Variants in ASAP1 observed in about 807,000 individuals in gnomAD.
ASAP1 encodes arf-GAP with SH3 domain, ANK repeat and PH domain-containing protein 1.
Under a neutral mutation model 145.2 loss-of-function variants are expected in ASAP1, and 43 were observed. The ratio of observed to expected loss-of-function variants is 0.30; its 90% confidence interval spans 0.23 to 0.38. ASAP1 has a LOEUF of 0.38. ASAP1 is among the 10% of genes least tolerant of loss of function. The probability of loss-of-function intolerance (pLI) is 1.00; values close to 1 mark genes in which losing one functional copy is unlikely to be tolerated. For synonymous variants in ASAP1, 546 were observed against 515.5 expected (o/e 1.06, Z -0.80); for missense variants, 1,018 against 1,355.3 (o/e 0.75, Z 3.91).
chr8:130,383,514 A>G (rs1827876871), intron 2 of ASAP1, among the ~76,000 whole-genome samples: 1 of 152,316 alleles, frequency 6.6e-6, no homozygotes, highest in Admixed American at 6.5e-5. Flanking sequence ...ACCATGCACC[A>G]GGTACAGAGT....
intron 1 of ASAP1, among the ~76,000 whole-genome samples, chr8:130,428,090 G>T (rs555974812): frequency 6.6e-6 from 1 of 152,130 alleles, no homozygotes; most frequent in South Asian, 2.1e-4. Flanking sequence ...GTGACTCATG[G>T]GCCACCATCT....
At chr8:130,288,419 T>TC (rs36111603) in intron 3 of ASAP1, among the ~76,000 whole-genome samples, 60 of 152,076 alleles carry the variant, frequency 3.9e-4, no homozygotes, top group Non-Finnish European at 6.6e-4. Flanking sequence ...AATATAAACC[T>TC]CCCTGCAAAT....
rs147602565 is a variant in ASAP1 at position 130,072,163 on chromosome 8, G to C, written c.2701+4185C>G. On this transcript the variant is annotated intron_variant, in intron 27 of 29. Transcript: ENST00000518721. ...AAGCCAAGAGGACAGGGTTCAGTGAGCCTCTGGAGAGCTGACCATGTGGAG... is the reference window on the plus strand; with the variant it reads ...AAGCCAAGAGGACAGGGTTCAGTGACCCTCTGGAGAGCTGACCATGTGGAG... Among the ~76,000 whole-genome samples the C allele has an allele frequency of 2.8e-3, 430 of 152,348 alleles. 3 individuals are homozygous for C. Among genetic ancestry groups the C allele is most frequent in the African/African-American group, 0.01 (417 of 41,582 alleles).
Position 130,101,732 on chromosome 8 carries a change from A to ATTTTTTTTTTTTTTTTTTTTTTTTTTT in ASAP1, c.2402-9590_2402-9589insAAAAAAAAAAAAAAAAAAAAAAAAAAA, listed in dbSNP as rs59778799. 2.0e-4 allele frequency among the ~76,000 whole-genome samples: 17 copies of ATTTTTTTTTTTTTTTTTTTTTTTTTTT among 86,924 alleles called. 3 individuals carry two copies. The highest frequency in any genetic ancestry group is 4.4e-4 in the African/African-American group (8 of 18,090). 57.0% of individuals were successfully genotyped at this position (86,924 alleles called of 152,430 possible). A position where few individuals can be genotyped will look rare whatever the true frequency, so the allele number is the denominator to read the frequency against. ...AGGCATGTGCTACCACACCTGGTTA[A>ATTTTTTTTTTTTTTTTTTTTTTTTTTT]TTTTTTTTTTTTTTTTTTTTGCAGA... On this transcript the variant is annotated intron_variant, in intron 24 of 29. Coordinates refer to ENST00000518721, the MANE Select transcript of ASAP1 (RefSeq NM_018482.4).
At chr8:130,091,533 T>C (rs928443241) in intron 25 of ASAP1, among the ~76,000 whole-genome samples, 8 of 152,166 alleles carry the variant, frequency 5.3e-5, no homozygotes, top group Non-Finnish European at 7.3e-5. Flanking sequence ...GGCCTTGATA[T>C]AGGGAGCTTG....
chr8:130,163,741 C>A (rs1267615338), intron 11 of ASAP1, among the ~76,000 whole-genome samples: 1 of 152,158 alleles, frequency 6.6e-6, no homozygotes, highest in Non-Finnish European at 1.5e-5. Flanking sequence ...GAAATAGGTT[C>A]TGAATCCTTT....
intron 24 of ASAP1, among the ~76,000 whole-genome samples, chr8:130,110,651 T>C (rs1400202741): frequency 6.6e-6 from 1 of 152,234 alleles, no homozygotes; most frequent in South Asian, 2.1e-4. Context: ...GTGTGGCCAC[T>C]GGTTATCTTT....
rs1357548763 is a variant in ASAP1, at chr8:130,092,052, T to A, written c.2493A>T (p.Pro831=). 3.2e-6 allele frequency: 5 copies of A among 1,571,542 alleles called. No individual in the cohort carries two copies. The highest frequency in any genetic ancestry group is 4.3e-6 in the Non-Finnish European group (5 of 1,163,854). ...CGGATAGGGTTCTCTTGTGTCCGGG[T>A]GGTGGGGGAGGAGGCCTCTTCTTGG... The part of the protein sequence containing the change: ...TLSKKRPPPP[P]PGHKRTLSDP... Residue 831 remains proline, a synonymous_variant, in exon 25 of 30, where the codon CCA becomes CCT. Transcript: ENST00000518721.
At chr8:130,214,094 A>G (rs751294759) in intron 5 of ASAP1, among the ~76,000 whole-genome samples, 3 of 152,222 alleles carry the variant, frequency 2.0e-5, no homozygotes, top group Non-Finnish European at 4.4e-5. Context: ...TTATTTATAT[A>G]TCAGAAACCA....
At chr8:130,265,884 A>C (rs562873807) in intron 3 of ASAP1, among the ~76,000 whole-genome samples, 1 of 152,294 alleles carries the variant, frequency 6.6e-6, no homozygotes, top group African/African-American at 2.4e-5. Context: ...TCTCCCCCGA[A>C]AAAAGCAAAG....
At chr8:130,126,777 G>C (rs998939214) in intron 16 of ASAP1, among the ~76,000 whole-genome samples, 1 of 152,176 alleles carries the variant, frequency 6.6e-6, no homozygotes, top group Admixed American at 6.5e-5. Context: ...CAGAAAATCT[G>C]AGACTTCTCT....
intron 29 of ASAP1, among the ~76,000 whole-genome samples, chr8:130,056,602 A>G (rs2097404779): frequency 1.3e-5 from 2 of 152,344 alleles, no homozygotes; most frequent in African/African-American, 4.8e-5. Context: ...TACAGCTGTG[A>G]TTAAGAATCT....
chr8:130,186,202 G>A (rs1217729011), intron 7 of ASAP1, among the ~76,000 whole-genome samples: 1 of 152,130 alleles, frequency 6.6e-6, no homozygotes, highest in African/African-American at 2.4e-5. Flanking sequence ...TCATTTATCA[G>A]TTGACCATTT....
chr8:130,322,604 G>T (rs972077763), intron 3 of ASAP1, among the ~76,000 whole-genome samples: 2 of 152,180 alleles, frequency 1.3e-5, no homozygotes, highest in African/African-American at 4.8e-5. Flanking sequence ...CAATTCCTTT[G>T]TACTTAATGA....
rs559893565 is a variant in ASAP1, at chr8:130,407,806, A to G, written c.-27-5836T>C. On this transcript the variant is annotated intron_variant, in intron 1 of 29. Transcript: ENST00000518721. ...GCCATTCCTCAAATAGGTGTTTTTT[A>G]TTCAACAGAAGTGACTCCACGAATG... Among the ~76,000 whole-genome samples, 33 of 152,278 alleles carry G rather than the reference A, an allele frequency of 2.2e-4. 1 individual carries two copies. Among genetic ancestry groups the G allele is most frequent in the African/African-American group, 7.5e-4 (31 of 41,570 alleles).
chr8:130,348,127 G>A (rs955991440), intron 3 of ASAP1, among the ~76,000 whole-genome samples: 6 of 152,186 alleles, frequency 3.9e-5, no homozygotes, highest in Admixed American at 3.9e-4. Context: ...GCTATACCAG[G>A]CACTGGAGAC....
chr8:130,390,624 G>A (rs1200763080), intron 2 of ASAP1, among the ~76,000 whole-genome samples: 1 of 152,188 alleles, frequency 6.6e-6, no homozygotes, highest in Non-Finnish European at 1.5e-5. Flanking sequence ...AGTGCCTAGG[G>A]CTTAAATAAA....
At chr8:130,061,341 T>G (rs1592713465) in intron 27 of ASAP1, among the ~76,000 whole-genome samples, 1 of 152,210 alleles carries the variant, frequency 6.6e-6, no homozygotes, top group Admixed American at 6.5e-5. Flanking sequence ...AGAAACAGAT[T>G]GCAGAGAATC....
chr8:130,343,222 G>A (rs1217162346), intron 3 of ASAP1, among the ~76,000 whole-genome samples: 4 of 152,170 alleles, frequency 2.6e-5, no homozygotes, highest in African/African-American at 7.2e-5. Flanking sequence ...ATGGTAAGCA[G>A]GAATTTCAGA....
Sources: gnomAD v4.1 joint callset for allele counts (sites outside exome capture counted in the v4.1 genomes callset) on GRCh38, gnomAD v4.1.1 for gene constraint, MANE v1.5 for transcripts, NCBI Gene and HGNC (gene_info 2026-07-23, HGNC 2026-07-21) for gene names.